The following THSD7A variants were observed in gnomAD, a reference collection of about 807,000 sequenced individuals.
THSD7A encodes thrombospondin type-1 domain-containing protein 7A.
Under a neutral mutation model 231.3 loss-of-function variants are expected in THSD7A, and 96 were observed. The observed-to-expected ratio is 0.41, with a 90% CI of 0.35 to 0.49. THSD7A has a LOEUF of 0.49. Ranked by LOEUF, THSD7A falls within the 20% of genes least tolerant of loss-of-function variation. The probability of loss-of-function intolerance (pLI) is 0.05; values close to 1 mark genes in which losing one functional copy is unlikely to be tolerated. For missense variants in THSD7A, 2,290 were observed against 2,070.2 expected (o/e 1.11, Z -2.06); for synonymous variants, 940 against 743.3 (o/e 1.26, Z -4.30).
rs578041860 is a variant in THSD7A, at chr7:11,657,431, C to A, written c.191-20470G>T. On this transcript the variant is annotated intron_variant, in intron 1 of 27. Transcript: ENST00000423059. ...CATAGACATGGGAAAGAAACAGGGA[C>A]CCTGGAATCAGGTTGTAGAAGGTGT... Among the ~76,000 whole-genome samples, 4 of 151,706 alleles carry A rather than the reference C, an allele frequency of 2.6e-5. No individual in the cohort carries two copies. The East Asian group carries it at 5.9e-4, about 22-fold the overall frequency.
chr7:11,497,554 T>C (rs1469902116), intron 6 of THSD7A, among the ~76,000 whole-genome samples: 1 of 152,130 alleles, frequency 6.6e-6, no homozygotes, highest in African/African-American at 2.4e-5. Flanking sequence ...TGGTCATTTT[T>C]TTGGTAAATA....
chr7:11,378,744 A>C, intron 26 of THSD7A: 1 of 297,366 alleles, frequency 3.4e-6, no homozygotes, highest in Admixed American at 4.8e-5. Flanking sequence ...TCTGAATGAC[A>C]ACACATTTTT....
intron 1 of THSD7A, among the ~76,000 whole-genome samples, chr7:11,827,024 G>C (rs1343392861): frequency 2.6e-5 from 4 of 151,866 alleles, no homozygotes; most frequent in African/African-American, 9.7e-5. Flanking sequence ...AATTTTTAGA[G>C]ACAGGATCTT....
At chr7:11,398,427 G>A (rs11772248) in intron 23 of THSD7A, among the ~76,000 whole-genome samples, 5 of 151,614 alleles carry the variant, frequency 3.3e-5, no homozygotes, top group African/African-American at 1.2e-4. Flanking sequence ...GGAGAAATAC[G>A]TAAAGTAGAT....
intron 4 of THSD7A, among the ~76,000 whole-genome samples, chr7:11,565,912 T>G (rs1417302531): frequency 1.3e-5 from 2 of 152,204 alleles, no homozygotes; most frequent in African/African-American, 4.8e-5. Context: ...AGGTCTGAAT[T>G]AAACTGCTGG....
At chr7:11,764,759 T>C (rs886222733) in intron 1 of THSD7A, among the ~76,000 whole-genome samples, 1 of 152,132 alleles carries the variant, frequency 6.6e-6, no homozygotes, top group African/African-American at 2.4e-5. Context: ...TTATATTACT[T>C]GGAAGACTTC....
chr7:11,494,032 C>T (rs890870144), intron 6 of THSD7A, among the ~76,000 whole-genome samples: 1 of 151,918 alleles, frequency 6.6e-6, no homozygotes, highest in Non-Finnish European at 1.5e-5. Flanking sequence ...AAAGCAGGTA[C>T]AGATAAACGT....
At chr7:11,742,204 A>G (rs1562521725) in intron 1 of THSD7A, among the ~76,000 whole-genome samples, 1 of 151,974 alleles carries the variant, frequency 6.6e-6, no homozygotes, top group East Asian at 1.9e-4. Context: ...CAGTATAAGA[A>G]CAGATATAAA....
At chr7:11,567,255 C>G (rs1285297573) in intron 4 of THSD7A, among the ~76,000 whole-genome samples, 1 of 152,010 alleles carries the variant, frequency 6.6e-6, no homozygotes, top group African/African-American at 2.4e-5. Flanking sequence ...GAAGAGGAAG[C>G]AAGACACTTC....
Position 11,414,371 on chromosome 7 carries a change from C to T in THSD7A, c.3538-1571G>A, listed in dbSNP as rs978422359. Among the ~76,000 whole-genome samples the T allele has an allele frequency of 7.2e-5, 11 of 152,236 alleles. No individual in the cohort carries two copies. In the South Asian group the frequency reaches 8.3e-4, roughly 11 times the overall value. The stretch of plus-strand genomic sequence containing the variant: ...CACGAGGGGGCATAAAGCTCAATTG[C>T]ACATGCATACTCTTTGTTTTTTATA... On this transcript the variant is annotated intron_variant, in intron 17 of 27. Coordinates refer to ENST00000423059, the MANE Select transcript of THSD7A (RefSeq NM_015204.3).
chr7:11,763,825 C>G (rs1782942398), intron 1 of THSD7A, among the ~76,000 whole-genome samples: 1 of 152,004 alleles, frequency 6.6e-6, no homozygotes, highest in Non-Finnish European at 1.5e-5. Context: ...CTCATTTCCT[C>G]AGGATTTAAA....
At chr7:11,479,123 C>T (rs1003833678) in intron 7 of THSD7A, among the ~76,000 whole-genome samples, 1 of 152,110 alleles carries the variant, frequency 6.6e-6, no homozygotes, top group African/African-American at 2.4e-5. Context: ...TGTAGAGTTA[C>T]CCAAAACTGT....
intron 1 of THSD7A, among the ~76,000 whole-genome samples, chr7:11,771,195 C>A (rs947117058): frequency 6.6e-6 from 1 of 150,984 alleles, no homozygotes; most frequent in East Asian, 2.0e-4. Flanking sequence ...ATAACAATTT[C>A]TCCTCAATTA....
At chr7:11,827,705 T>C (rs6965675) in intron 1 of THSD7A, among the ~76,000 whole-genome samples, 67,957 of 151,940 alleles carry the variant, frequency 0.45, 15,396 homozygotes, top group South Asian at 0.58. Context: ...CATGCTTACA[T>C]CTTCAGCCTA....
At chr7:11,721,972 C>A (rs941763952) in intron 1 of THSD7A, among the ~76,000 whole-genome samples, 3 of 151,768 alleles carry the variant, frequency 2.0e-5, no homozygotes, top group Non-Finnish European at 4.4e-5. Context: ...ACGCTCTTTC[C>A]CTTGCTTCAA....
intron 6 of THSD7A, 135 bp from the exon 7 acceptor site, chr7:11,482,117 G>T (rs1786452765): frequency 1.1e-6 from 1 of 898,832 alleles, no homozygotes. Flanking sequence ...CCAAAAGAGG[G>T]ATTGCCTACT....
At chr7:11,491,081 T>C (rs1412362060) in intron 6 of THSD7A, among the ~76,000 whole-genome samples, 1 of 152,062 alleles carries the variant, frequency 6.6e-6, no homozygotes, top group African/African-American at 2.4e-5. Flanking sequence ...TTTTTCCGAA[T>C]TTTGCTTATG....
intron 1 of THSD7A, among the ~76,000 whole-genome samples, chr7:11,659,993 C>G (rs149315287): frequency 6.6e-6 from 1 of 151,396 alleles, no homozygotes; most frequent in Non-Finnish European, 1.5e-5. Flanking sequence ...TTCTTACAGA[C>G]CTCCAAGGTA....
At chr7:11,731,075 A>G (rs530123555) in intron 1 of THSD7A, among the ~76,000 whole-genome samples, 3 of 151,646 alleles carry the variant, frequency 2.0e-5, no homozygotes, top group African/African-American at 7.2e-5. Flanking sequence ...GACAGTTTAT[A>G]TTTAATTTTG....
Sources: gnomAD v4.1 joint callset for allele counts (sites outside exome capture counted in the v4.1 genomes callset) on GRCh38, gnomAD v4.1.1 for gene constraint, MANE v1.5 for transcripts, NCBI Gene and HGNC (gene_info 2026-07-23, HGNC 2026-07-21) for gene names.